The following RARB variants were observed in gnomAD, a reference collection of about 807,000 sequenced individuals.
RARB encodes the protein HBV-activated protein.
Under a neutral mutation model 51.9 loss-of-function variants are expected in RARB, and 17 were observed. The observed-to-expected ratio is 0.33, with a 90% CI of 0.22 to 0.49. The LOEUF is 0.49. Ranked by LOEUF, RARB falls within the 20% of genes least tolerant of loss-of-function variation. The probability of loss-of-function intolerance (pLI) is 0.99; values close to 1 mark genes in which losing one functional copy is unlikely to be tolerated. For synonymous variants in RARB, 215 were observed against 195.4 expected (o/e 1.10, Z -0.84); for missense variants, 369 against 550.8 (o/e 0.67, Z 3.30).
At chr3:25,578,174 C>T (rs987033127) in intron 4 of RARB, among the ~76,000 whole-genome samples, 12 of 152,218 alleles carry the variant, frequency 7.9e-5, no homozygotes, top group Non-Finnish European at 1.5e-4. Context: ...ATTACCAACC[C>T]AAGCAGGCCA....
intron 3 of RARB, among the ~76,000 whole-genome samples, chr3:25,068,396 CAA>C (rs1684770858): frequency 2.6e-5 from 4 of 151,218 alleles, no homozygotes; most frequent in Admixed American, 1.3e-4. Context: ...TCTCCCATGA[CAA>C]GATATTTGAA....
rs187549456 is a variant in RARB, at chr3:25,078,871, G to C, written c.-328+18695G>C. 7.0e-4 allele frequency among the ~76,000 whole-genome samples: 106 copies of C among 152,102 alleles called. 1 individual carries two copies. The highest frequency in any genetic ancestry group is 2.2e-3 in the African/African-American group (93 of 41,518). On this transcript the variant is annotated intron_variant, in intron 3 of 11. Coordinates refer to the RARB transcript ENST00000383772. ...ATTGTATTATTATTTTGGTTATTCT[G>C]GGTTCTTTGCATTTTTATATAAATT... is the stretch of plus-strand genomic sequence containing the variant.
rs1702970045 is a variant in RARB at position 24,872,677 on chromosome 3, A to G, written c.-380+13925A>G. Among the ~76,000 whole-genome samples the G allele has an allele frequency of 3.3e-5, 5 of 152,158 alleles. No individual in the cohort carries two copies. The South Asian group carries it at 6.2e-4, about 19-fold the overall frequency. ...ATGGAGTGAGAACTTCCTCATTACCACAGGGAGGGCACCAAGCCATTCATG... is the reference window on the plus strand; with the variant it reads ...ATGGAGTGAGAACTTCCTCATTACCGCAGGGAGGGCACCAAGCCATTCATG... On this transcript the variant is annotated intron_variant, in intron 2 of 11. Coordinates refer to the RARB transcript ENST00000383772.
intron 5 of RARB, among the ~76,000 whole-genome samples, chr3:25,417,844 G>A (rs933843184): frequency 2.0e-5 from 3 of 152,178 alleles, no homozygotes; most frequent in Non-Finnish European, 2.9e-5. Flanking sequence ...GCATAAATAA[G>A]ATAGAAGTGT....
intron 2 of RARB, among the ~76,000 whole-genome samples, chr3:24,930,481 G>C (rs1243931378): frequency 6.6e-6 from 1 of 152,030 alleles, no homozygotes; most frequent in East Asian, 1.9e-4. Flanking sequence ...CCATTCAATA[G>C]GGCTTTGAAT....
intron 2 of RARB, among the ~76,000 whole-genome samples, chr3:24,923,031 AATG>A (rs1463499781): frequency 6.6e-6 from 1 of 152,174 alleles, no homozygotes; most frequent in African/African-American, 2.4e-5. Flanking sequence ...CAACTTCCAA[AATG>A]ATGACTTGCA....
rs567969889 is a variant in RARB at position 24,863,388 on chromosome 3, T to A, written c.-380+4636T>A. On this transcript the variant is annotated intron_variant, in intron 2 of 11. Coordinates refer to the RARB transcript ENST00000383772. ...CTGATAGTTAAACAGTGATACTGTG[T>A]GAAGCACTTGGAGTCTCTATCTCGG... Among the ~76,000 whole-genome samples the A allele has an allele frequency of 2.0e-5, 3 of 152,334 alleles. No homozygotes were observed. The East Asian group carries it at 5.8e-4, about 29-fold the overall frequency.
chr3:25,159,428 C>A (rs1553638612), intron 4 of RARB, among the ~76,000 whole-genome samples: 9 of 151,834 alleles, frequency 5.9e-5, no homozygotes, highest in Non-Finnish European at 1.5e-5. Flanking sequence ...CCCGCTCCCC[C>A]TCAGCCTCCC....
rs557235261 is a variant in RARB, at chr3:25,578,964, A to G, written c.610-1582A>G. ...TTTTGTTGGATAGTAAATTACAAAT[A>G]TCTCATCATTTTATCTGTAAATATC... On this transcript the variant is annotated intron_variant, in intron 4 of 7. Coordinates refer to ENST00000330688, the MANE Select transcript of RARB (RefSeq NM_000965.5). 1.1e-4 allele frequency among the ~76,000 whole-genome samples: 17 copies of G among 152,402 alleles called. No individual in the cohort carries two copies. In the South Asian group the frequency reaches 2.1e-3, roughly 19 times the overall value.
chr3:25,287,984 T>C (rs1238909221), intron 5 of RARB, among the ~76,000 whole-genome samples: 2 of 152,132 alleles, frequency 1.3e-5, no homozygotes, highest in African/African-American at 4.8e-5. Context: ...TTTTCACTTA[T>C]TAGATTTTCC....
intron 2 of RARB, among the ~76,000 whole-genome samples, chr3:24,890,292 A>T (rs1236708639): frequency 6.6e-6 from 1 of 152,144 alleles, no homozygotes; most frequent in Non-Finnish European, 1.5e-5. Context: ...GTGTATTTCT[A>T]ACTTGTAGAG....
intron 3 of RARB, among the ~76,000 whole-genome samples, chr3:25,504,135 A>G (rs1370890683): frequency 6.6e-6 from 1 of 152,056 alleles, no homozygotes; most frequent in Non-Finnish European, 1.5e-5. Context: ...AAGCTACACA[A>G]CTCTACGCAT....
chr3:25,412,343 G>C (rs1314576918), intron 5 of RARB, among the ~76,000 whole-genome samples: 1 of 151,944 alleles, frequency 6.6e-6, no homozygotes, highest in African/African-American at 2.4e-5. Flanking sequence ...TAACCAAGGG[G>C]GCCTAGTTAT....
chr3:25,214,826 C>G (rs1430040711), intron 5 of RARB, among the ~76,000 whole-genome samples: 1 of 152,184 alleles, frequency 6.6e-6, no homozygotes, highest in Non-Finnish European at 1.5e-5. Context: ...AGAGGCTAAG[C>G]CTTTTCCCCA....
intron 2 of RARB, among the ~76,000 whole-genome samples, chr3:24,896,425 A>C (rs1345110120): frequency 6.6e-6 from 1 of 151,918 alleles, no homozygotes; most frequent in African/African-American, 2.4e-5. Context: ...ACGTCCGGCT[A>C]ATTTTTTGTA....
chr3:25,447,792 C>T (rs73820493), intron 1 of RARB, among the ~76,000 whole-genome samples: 358 of 152,148 alleles, frequency 2.4e-3, no homozygotes, highest in African/African-American at 8.2e-3. Context: ...ACTGACATGA[C>T]TTGCTTTCCT....
chr3:24,919,622 G>A (rs1292793841), intron 2 of RARB, among the ~76,000 whole-genome samples: 1 of 152,222 alleles, frequency 6.6e-6, no homozygotes, highest in Non-Finnish European at 1.5e-5. Context: ...TGCCCAATTA[G>A]TGAATTGTTC....
At position 25,596,763 on chromosome 3, in the gene RARB, A is replaced by G; in HGVS notation, c.*147A>G. On this transcript the variant is annotated 3_prime_UTR_variant, in exon 8 of 8. Transcript: ENST00000330688. ...GACCAAGAAGTTTTCATATGTATCA[A>G]TATATATACTCCTCACTGTGTAACT... 1.6e-6 allele frequency: 1 copy of G among 632,022 alleles called. No individual in the cohort carries two copies. The highest frequency in any genetic ancestry group is 1.8e-5 in the African/African-American group (1 of 54,934). 39.2% of individuals were successfully genotyped at this position (632,022 alleles called of 1,614,324 possible).
At chr3:25,181,348 A>T (rs1446418290) in intron 5 of RARB, among the ~76,000 whole-genome samples, 1 of 152,178 alleles carries the variant, frequency 6.6e-6, no homozygotes, top group African/African-American at 2.4e-5. Flanking sequence ...AGTTGTTTTC[A>T]TAACTTTTCC....
Sources: gnomAD v4.1 joint callset for allele counts (sites outside exome capture counted in the v4.1 genomes callset) on GRCh38, gnomAD v4.1.1 for gene constraint, MANE v1.5 for transcripts, NCBI Gene and HGNC (gene_info 2026-07-23, HGNC 2026-07-21) for gene names.